Variants in GSK3B observed in about 807,000 individuals in gnomAD.
GSK3B encodes the protein glycogen synthase kinase 3 beta, also known as glycogen synthase kinase-3 beta.
GSK3B carries 15 observed loss-of-function variants against 56.4 expected under a neutral mutation model. The ratio of observed to expected loss-of-function variants is 0.27; its 90% CI spans 0.18 to 0.41. GSK3B has a LOEUF of 0.41. Among genes scored for constraint, GSK3B ranks in the 10% least tolerant of loss-of-function variants. The pLI, the probability that GSK3B is intolerant of heterozygous loss-of-function variation, is 1.00. For missense variants in GSK3B, 300 were observed against 513.4 expected, an observed-to-expected ratio of 0.58 and a Z score of 4.02; for synonymous variants, 181 against 188.9, an observed-to-expected ratio of 0.96 and a Z score of 0.34.
intron 3 of GSK3B, among the ~76,000 whole-genome samples, chr3:119,943,209 G>A (rs901815217): frequency 2.0e-5 from 3 of 152,204 alleles, no homozygotes; most frequent in Non-Finnish European, 4.4e-5. Flanking sequence ...TGTGGTCAAT[G>A]AAATGTAAAA....
intron 1 of GSK3B, among the ~76,000 whole-genome samples, chr3:120,046,557 A>T (rs2058104715): frequency 6.6e-6 from 1 of 152,190 alleles, no homozygotes; most frequent in Admixed American, 6.5e-5. Flanking sequence ...AAGCCACTAG[A>T]GTATGTATCA....
At chr3:120,000,910 G>T (rs2057669674) in intron 2 of GSK3B, among the ~76,000 whole-genome samples, 9 of 135,732 alleles carry the variant, frequency 6.6e-5, no homozygotes, top group East Asian at 2.2e-4. Flanking sequence ...ATGTTGAAAT[G>T]TAATCTCCTT....
intron 9 of GSK3B, among the ~76,000 whole-genome samples, chr3:119,846,716 A>G (rs984683951): frequency 4.6e-5 from 7 of 152,182 alleles, no homozygotes; most frequent in Non-Finnish European, 7.4e-5. Flanking sequence ...TCAATTGTGG[A>G]AGATAGTGTG....
At chr3:119,876,361 A>C in intron 8 of GSK3B, 52 bp downstream of exon 8, 1 of 924,758 alleles carries the variant, frequency 1.1e-6, no homozygotes, top group Non-Finnish European at 1.8e-6. Context: ...ACAATGAGAA[A>C]CCTGTTTTAG....
At chr3:119,909,039 A>AG (rs374507152) in intron 6 of GSK3B, among the ~76,000 whole-genome samples, 245 of 152,158 alleles carry the variant, frequency 1.6e-3, no homozygotes, top group Admixed American at 3.5e-3. Flanking sequence ...TTGTTTTGAG[A>AG]GGGGGGGTCT....
At chr3:119,984,609 A>G (rs956204599) in intron 2 of GSK3B, among the ~76,000 whole-genome samples, 25 of 152,330 alleles carry the variant, frequency 1.6e-4, no homozygotes, top group African/African-American at 5.5e-4. Flanking sequence ...AAACTAGAAA[A>G]TCAAGAAGAA....
intron 8 of GSK3B, among the ~76,000 whole-genome samples, chr3:119,871,824 C>CA (rs998183770): frequency 2.0e-5 from 3 of 152,090 alleles, no homozygotes; most frequent in African/African-American, 7.2e-5. Flanking sequence ...ACAAACTGGA[C>CA]AACACTCCAA....
chr3:120,054,664 C>T (rs1025658029), intron 1 of GSK3B, among the ~76,000 whole-genome samples: 1 of 152,088 alleles, frequency 6.6e-6, no homozygotes, highest in African/African-American at 2.4e-5. Flanking sequence ...ACTAAAAATT[C>T]TCAAAGGATG....
chr3:120,028,078 C>T (rs527462775), intron 1 of GSK3B, among the ~76,000 whole-genome samples: 1 of 152,298 alleles, frequency 6.6e-6, no homozygotes, highest in East Asian at 1.9e-4. Context: ...GTGCCTCATT[C>T]ATAGTCAATG....
chr3:119,905,376 G>T (rs2056672496), intron 7 of GSK3B, among the ~76,000 whole-genome samples: 1 of 151,980 alleles, frequency 6.6e-6, no homozygotes, highest in African/African-American at 2.4e-5. Context: ...TCTCCTATGT[G>T]CTCCACAGAG....
chr3:120,083,667 A>G (rs1481394566), intron 1 of GSK3B, among the ~76,000 whole-genome samples: 1 of 152,210 alleles, frequency 6.6e-6, no homozygotes, highest in Non-Finnish European at 1.5e-5. Flanking sequence ...ATATACCCCA[A>G]AAGATCTGAA....
chr3:119,901,944 T>A (rs1042692494), intron 7 of GSK3B, among the ~76,000 whole-genome samples: 2 of 152,140 alleles, frequency 1.3e-5, no homozygotes, highest in African/African-American at 4.8e-5. Flanking sequence ...CCAGGGTTAG[T>A]TTCCCCCAGA....
chr3:119,911,089 G>A (rs1387818445), intron 6 of GSK3B, among the ~76,000 whole-genome samples: 1 of 152,150 alleles, frequency 6.6e-6, no homozygotes, highest in Non-Finnish European at 1.5e-5. Flanking sequence ...AGTCACAAAT[G>A]TTCTTAGTGA....
chr3:120,072,568 G>A (rs1386148892), intron 1 of GSK3B, among the ~76,000 whole-genome samples: 1 of 152,086 alleles, frequency 6.6e-6, no homozygotes, highest in Non-Finnish European at 1.5e-5. Flanking sequence ...GCCTGAGCAA[G>A]ACTCAGTCTC....
intron 2 of GSK3B, among the ~76,000 whole-genome samples, chr3:119,954,298 AGAAT>A (rs1360764650): frequency 0.015 from 1,767 of 116,702 alleles, 15 homozygotes; most frequent in Non-Finnish European, 0.019. Context: ...AGAATAGAAT[AGAAT>A]AGAAAAGAAA....
intron 1 of GSK3B, among the ~76,000 whole-genome samples, chr3:120,007,961 G>A (rs979168816): frequency 6.6e-6 from 1 of 152,012 alleles, no homozygotes; most frequent in African/African-American, 2.4e-5. Flanking sequence ...CAAATAGGAG[G>A]AGAGGAAGTC....
At chr3:119,969,385 A>G (rs1255722718) in intron 2 of GSK3B, among the ~76,000 whole-genome samples, 4 of 152,214 alleles carry the variant, frequency 2.6e-5, no homozygotes, top group African/African-American at 4.8e-5. Flanking sequence ...CATCATGTAC[A>G]TGGATAAGAA....
In GSK3B at chr3:119,821,540, T is replaced by C. The variant is rs2055408455; in HGVS notation, c.*5248A>G. On this transcript the variant is annotated 3_prime_UTR_variant, in exon 11 of 11. Coordinates refer to ENST00000264235, the MANE Select transcript of GSK3B (RefSeq NM_001146156.2). ...AGGTACAGCCCCACTGTTCGTGGTG[T>C]CCATATATTTTACAGAGACCCCCAA... is the stretch of plus-strand genomic sequence containing the variant. 1 of 152,228 alleles carries C rather than the reference T, an allele frequency of 6.6e-6. No individual in the cohort carries two copies. Among genetic ancestry groups the C allele is most frequent in the Non-Finnish European group, 1.5e-5 (1 of 68,054 alleles). The allele number at this position is 152,228 out of a possible 1,614,324, so 9.4% of individuals were successfully genotyped here.
At chr3:119,910,850 C>G (rs2056728588) in intron 6 of GSK3B, among the ~76,000 whole-genome samples, 1 of 152,186 alleles carries the variant, frequency 6.6e-6, no homozygotes, top group African/African-American at 2.4e-5. Context: ...CTAGTAGATT[C>G]CACCTCAAGA....
Sources: gnomAD v4.1 joint callset for allele counts (sites outside exome capture counted in the v4.1 genomes callset) on GRCh38, gnomAD v4.1.1 for gene constraint, MANE v1.5 for transcripts, NCBI Gene and HGNC (gene_info 2026-07-23, HGNC 2026-07-21) for gene names.